CATSPERG: variants seen among roughly 807,000 people sequenced by gnomAD.
CATSPERG encodes catsper channel auxiliary subunit gamma, also known as cation channel sperm-associated auxiliary subunit gamma.
CATSPERG carries 115 observed loss-of-function variants against 145.0 expected under a neutral mutation model. The ratio of observed to expected loss-of-function variants is 0.79; its 90% CI spans 0.68 to 0.93. CATSPERG has a LOEUF of 0.93. Ranked by LOEUF, CATSPERG falls within the 40% of genes least tolerant of loss-of-function variation. The probability of loss-of-function intolerance (pLI) is 0.00; values close to 1 mark genes in which losing one functional copy is unlikely to be tolerated. For synonymous variants in CATSPERG, 588 were observed against 589.0 expected (o/e 1.00, Z 0.02); for missense variants, 1,296 against 1,490.1 (o/e 0.87, Z 2.14).
At chr19:38,358,202 C>T in intron 11 of CATSPERG, 76 bp from the exon 12 acceptor site, 9 of 1,485,570 alleles carry the variant, frequency 6.1e-6, no homozygotes, top group Non-Finnish European at 8.4e-6. Flanking sequence ...GGCTGAGAAG[C>T]AAACAACTTG....
chr19:38,344,670 T>C (rs1254228150), intron 6 of CATSPERG, among the ~76,000 whole-genome samples: 1 of 148,308 alleles, frequency 6.7e-6, no homozygotes, highest in Non-Finnish European at 1.5e-5. Context: ...TCCATACCTG[T>C]ACATACATAT....
chr19:38,367,815 TC>T (rs1970480557), intron 25 of CATSPERG, 39 bp downstream of exon 25: 1 of 1,580,096 alleles, frequency 6.3e-7, no homozygotes, highest in Non-Finnish European at 8.7e-7. Context: ...CCACCTTGCT[TC>T]CCCTGGAGGC....
chr19:38,343,365 G>A lies in CATSPERG; in HGVS notation c.325-215G>A, dbSNP rs548875749. Among the ~76,000 whole-genome samples the A allele has an allele frequency of 3.3e-4, 50 of 152,168 alleles. 1 individual carries two copies. The highest frequency in any genetic ancestry group is 1.2e-3 in the African/African-American group (48 of 41,534). ...AGTCATCTCCTCCAGGAAGGCCTCC[G>A]ACTCCCTCCACAGCCCCTTACCCCT... On this transcript the variant is annotated intron_variant, in intron 3 of 28. Transcript: ENST00000409235.
At chr19:38,351,950 T>C (rs1970149450) in intron 7 of CATSPERG, among the ~76,000 whole-genome samples, 1 of 152,132 alleles carries the variant, frequency 6.6e-6, no homozygotes, top group Non-Finnish European at 1.5e-5. Flanking sequence ...GTTGTATCCA[T>C]GTAGGTATAA....
chr19:38,352,595 CTTTTT>C (rs576701757), intron 8 of CATSPERG, 163 bp downstream of exon 8: 1,102 of 310,856 alleles, frequency 3.5e-3, no homozygotes, highest in East Asian at 6.1e-3. Flanking sequence ...TTGCCTTGCC[CTTTTT>C]TTTTTTTTTT....
intron 11 of CATSPERG, 142 bp downstream of exon 11, chr19:38,357,003 T>C: frequency 9.2e-7 from 1 of 1,085,248 alleles, no homozygotes; most frequent in Non-Finnish European, 1.3e-6. Flanking sequence ...GGAGTAGCAG[T>C]GGAGAACAGG....
At chr19:38,340,210 T>G (rs1487744652) in intron 3 of CATSPERG, among the ~76,000 whole-genome samples, 4 of 151,918 alleles carry the variant, frequency 2.6e-5, no homozygotes, top group African/African-American at 7.2e-5. Context: ...AAAAATCAAT[T>G]GAATATAAAT....
Position 38,361,870 on chromosome 19 carries a change from C to A in CATSPERG, c.2094+9C>A. ...ACTCCGTGTACGACAAGGTGGGCGT[C>A]CGGCGGCGGGCGGGCAGGCCTGAGA... On this transcript the variant is annotated intron_variant, in intron 17 of 28. Transcript: ENST00000409235. The A allele has an allele frequency of 6.3e-7, 1 of 1,597,104 alleles. No individual in the cohort carries two copies. Among genetic ancestry groups the A allele is most frequent in the Non-Finnish European group, 8.5e-7 (1 of 1,171,756 alleles).
chr19:38,354,907 G>T, intron 9 of CATSPERG, 60 bp downstream of exon 9: 2 of 1,567,378 alleles, frequency 1.3e-6, no homozygotes, highest in South Asian at 1.2e-5. Flanking sequence ...TCACCTCCGA[G>T]AATTCTAACC....
At position 38,360,626 on chromosome 19, in the gene CATSPERG, C is replaced by T. The variant is rs1225811021; in HGVS notation, c.1746C>T (p.Tyr582=). ...ATGAGACCATGCTGACCCTCTTCTA[C>T]GAAGACAGCAAACTGTACCAGGTGC... ...ASNETMLTLF[Y]EDSKLYQLVY... is the part of the protein sequence containing the mutation. Residue 582 remains tyrosine, a synonymous_variant, in exon 15 of 29, where the codon TAC becomes TAT. Coordinates refer to ENST00000409235, the MANE Select transcript of CATSPERG (RefSeq NM_021185.5). 6.8e-6 allele frequency: 11 copies of T among 1,614,194 alleles called. No homozygotes were observed. Among genetic ancestry groups the T allele is most frequent in the Admixed American group, 3.3e-5 (2 of 60,030 alleles).
In CATSPERG at chr19:38,343,704, C is replaced by T. The variant is rs1417452463; in HGVS notation, c.449C>T (p.Ala150Val). 7.1e-6 allele frequency: 11 copies of T among 1,550,262 alleles called. No homozygotes were observed. The highest frequency in any genetic ancestry group is 9.6e-6 in the Non-Finnish European group (11 of 1,146,726). ...GAGCAGCTGCAGATCCAGATGGAGG[C>T]TGCCCCCTTCCGCAGCAAAGGTGGG... ...KIEQLQIQME[A>V]APFRSKEPCM... is the part of the protein sequence containing the mutation. The change falls in exon 4 of 29, where the codon GCT (alanine) becomes GTT (valine). Residue 150 changes from alanine (A) to valine (V), a missense_variant. Transcript: ENST00000409235.
chr19:38,343,494 G>T, intron 3 of CATSPERG, 86 bp from the exon 4 acceptor site: 2 of 1,247,262 alleles, frequency 1.6e-6, no homozygotes, highest in Non-Finnish European at 1.1e-6. Flanking sequence ...GACAGCCCAG[G>T]AGACAGACTG....
chr19:38,367,025 T>TG, intron 22 of CATSPERG, 131 bp from the exon 23 acceptor site: 1 of 783,576 alleles, frequency 1.3e-6, no homozygotes, highest in Non-Finnish European at 2.0e-6. Flanking sequence ...ATATTGCCCT[T>TG]GGGGGTGAGG....
At chr19:38,352,595 CTTT>C (rs576701757) in intron 8 of CATSPERG, 163 bp downstream of exon 8, 7,579 of 289,432 alleles carry the variant, frequency 0.026, no homozygotes, top group East Asian at 0.043. Context: ...TTGCCTTGCC[CTTT>C]TTTTTTTTTT....
intron 9 of CATSPERG, among the ~76,000 whole-genome samples, chr19:38,356,142 G>A (rs1970238728): frequency 6.6e-6 from 1 of 152,116 alleles, no homozygotes; most frequent in Non-Finnish European, 1.5e-5. Context: ...GGTTAAAGGT[G>A]GCCCCTTAAA....
chr19:38,363,385 C>T (rs1281135205), intron 20 of CATSPERG, among the ~76,000 whole-genome samples: 1 of 151,834 alleles, frequency 6.6e-6, no homozygotes, highest in African/African-American at 2.4e-5. Context: ...CTATGTTGCC[C>T]AGGCTGGCCT....
chr19:38,345,963 G>T (rs991251512), intron 6 of CATSPERG, among the ~76,000 whole-genome samples: 1 of 152,182 alleles, frequency 6.6e-6, no homozygotes, highest in African/African-American at 2.4e-5. Context: ...ACACTCTAGT[G>T]GGGGAGACAG....
intron 3 of CATSPERG, among the ~76,000 whole-genome samples, chr19:38,339,575 C>T (rs1214317781): frequency 3.3e-5 from 5 of 152,124 alleles, no homozygotes; most frequent in South Asian, 2.1e-4. Flanking sequence ...AAGCGATTCT[C>T]CTGCCTCAGC....
At chr19:38,366,886 G>T in intron 22 of CATSPERG, 1 of 424,562 alleles carries the variant, frequency 2.4e-6, no homozygotes, top group South Asian at 3.6e-5. Flanking sequence ...TAGAGACAGG[G>T]TTTTACTGTG....
Sources: allele counts gnomAD v4.1 joint callset (sites outside exome capture counted in the v4.1 genomes callset), GRCh38; gene constraint gnomAD v4.1.1; transcripts MANE v1.5; gene names NCBI Gene and HGNC (gene_info 2026-07-23, HGNC 2026-07-21).